Variants in CRY1 observed in about 807,000 individuals in gnomAD.
CRY1 encodes the protein cryptochrome circadian regulator 1.
A neutral mutation model predicts 76.0 loss-of-function variants in CRY1; 45 were observed. That is an observed-to-expected ratio of 0.59 (90% CI 0.47 to 0.76). The LOEUF (loss-of-function observed/expected upper bound fraction) is 0.76, where lower values mean the gene tolerates loss of function less well. Ranked by LOEUF, CRY1 falls within the 30% of genes least tolerant of loss-of-function variation. The pLI is 0.00. For synonymous variants in CRY1, 248 were observed against 244.0 expected (o/e 1.02, Z -0.15); for missense variants, 587 against 716.4 (o/e 0.82, Z 2.06).
chr12:106,999,742 C>A lies in CRY1; in HGVS notation c.946G>T (p.Val316Phe), dbSNP rs1185066980. ...FDKMEGNPIC[V>F]QIPWDKNPEA... Reference sequence around the variant, plus strand: ...GGATTTTTATCCCAAGGAATCTGAACACAGATAGGGTTTCCTTCCATTTTA... The same window carrying A: ...GGATTTTTATCCCAAGGAATCTGAAAACAGATAGGGTTTCCTTCCATTTTA... Residue 316 changes from valine to phenylalanine, a missense_variant, in exon 7 of 13, where the codon GTT (valine) becomes TTT (phenylalanine). Transcript: ENST00000008527. The A allele has an allele frequency of 6.2e-7, 1 of 1,614,090 alleles. No homozygotes were observed. Among genetic ancestry groups the A allele is most frequent in the Non-Finnish European group, 8.5e-7 (1 of 1,180,052 alleles).
chr12:107,054,522 C>A (rs1174316268), intron 1 of CRY1, among the ~76,000 whole-genome samples: 2 of 151,038 alleles, frequency 1.3e-5, no homozygotes, highest in Non-Finnish European at 3.0e-5. Flanking sequence ...AATCCAAATA[C>A]TTTGGTAATT....
chr12:107,000,781 C>T (rs1347309214), intron 5 of CRY1, among the ~76,000 whole-genome samples: 2 of 151,890 alleles, frequency 1.3e-5, no homozygotes, highest in African/African-American at 4.8e-5. Flanking sequence ...TCCCAAGTAG[C>T]TGGAATTAAA....
At chr12:107,006,755 G>A (rs916092104) in intron 2 of CRY1, among the ~76,000 whole-genome samples, 51 of 148,428 alleles carry the variant, frequency 3.4e-4, no homozygotes, top group Non-Finnish European at 7.0e-4. Context: ...AGGTTCAAGC[G>A]ATTCTCCTGC....
intron 1 of CRY1, among the ~76,000 whole-genome samples, chr12:107,025,697 T>C (rs933632110): frequency 6.6e-6 from 1 of 152,092 alleles, no homozygotes; most frequent in Admixed American, 6.5e-5. Context: ...CTACTAACAA[T>C]CTCTCTCCAT....
chr12:107,042,460 C>T (rs992755660), intron 1 of CRY1, among the ~76,000 whole-genome samples: 1 of 152,056 alleles, frequency 6.6e-6, no homozygotes, highest in Non-Finnish European at 1.5e-5. Context: ...CCACATATCC[C>T]CTGATATAAA....
chr12:107,018,913 A>G (rs1250817568), intron 2 of CRY1, among the ~76,000 whole-genome samples: 1 of 152,216 alleles, frequency 6.6e-6, no homozygotes, highest in Non-Finnish European at 1.5e-5. Flanking sequence ...TGAGTGAATG[A>G]CACAGAAGAA....
At chr12:106,997,264 A>G in intron 10 of CRY1, 30 bp downstream of exon 10, 1 of 1,547,216 alleles carries the variant, frequency 6.5e-7, no homozygotes, top group Non-Finnish European at 8.9e-7. Context: ...TCTTCATGTT[A>G]CTAAGTGCAG....
intron 1 of CRY1, among the ~76,000 whole-genome samples, chr12:107,035,774 G>A (rs980180550): frequency 1.3e-5 from 2 of 152,190 alleles, no homozygotes; most frequent in African/African-American, 4.8e-5. Flanking sequence ...AGCAGTCATA[G>A]AAGGATTTAT....
At chr12:107,018,115 G>C (rs1952516694) in intron 2 of CRY1, among the ~76,000 whole-genome samples, 1 of 152,168 alleles carries the variant, frequency 6.6e-6, no homozygotes, top group Admixed American at 6.5e-5. Context: ...TATCAAGCAT[G>C]TGTCATGAAT....
At chr12:107,091,964 T>C (rs1435181644) in intron 1 of CRY1, among the ~76,000 whole-genome samples, 1 of 152,220 alleles carries the variant, frequency 6.6e-6, no homozygotes, top group Non-Finnish European at 1.5e-5. Flanking sequence ...TCTATTTTTT[T>C]CCACAATACT....
At chr12:107,049,246 A>C (rs1952887748) in intron 1 of CRY1, among the ~76,000 whole-genome samples, 1 of 152,184 alleles carries the variant, frequency 6.6e-6, no homozygotes, top group South Asian at 2.1e-4. Context: ...AATTCTGCTC[A>C]GTCTCTCAGT....
intron 10 of CRY1, among the ~76,000 whole-genome samples, chr12:106,994,204 C>A (rs1167382624): frequency 1.3e-5 from 2 of 152,118 alleles, no homozygotes; most frequent in African/African-American, 2.4e-5. Context: ...TCAAATGGGG[C>A]AGAAACCTGA....
intron 1 of CRY1, among the ~76,000 whole-genome samples, chr12:107,048,890 T>C (rs189257366): frequency 4.9e-4 from 74 of 150,790 alleles, no homozygotes; most frequent in African/African-American, 1.8e-3. Context: ...AATTGTCTGG[T>C]TTTTTTCCTC....
At chr12:107,075,261 G>A (rs1402063102) in intron 1 of CRY1, among the ~76,000 whole-genome samples, 1 of 152,078 alleles carries the variant, frequency 6.6e-6, no homozygotes, top group Admixed American at 6.6e-5. Flanking sequence ...TCTCAAACAC[G>A]TTCATGCCAG....
intron 1 of CRY1, among the ~76,000 whole-genome samples, chr12:107,029,606 CAAA>C (rs35485801): frequency 2.0e-4 from 23 of 112,222 alleles, no homozygotes; most frequent in Non-Finnish European, 2.8e-4. Context: ...GGTCTTGCCT[CAAA>C]AAAAAAAAAA....
Position 107,060,445 on chromosome 12 carries a change from T to G in CRY1, c.158+32359A>C, listed in dbSNP as rs1426041098. 2.0e-5 allele frequency among the ~76,000 whole-genome samples: 3 copies of G among 152,218 alleles called. No individual in the cohort carries two copies. In the East Asian group the frequency reaches 5.8e-4, roughly 29 times the overall value. ...CCTATCAAATGCCAGCCCCTTCATC[T>G]TGGGACTTCCCAGCCTCCAAACCCA... On this transcript the variant is annotated intron_variant, in intron 1 of 12. Transcript: ENST00000008527.
chr12:107,081,350 A>T (rs959661381), intron 1 of CRY1, among the ~76,000 whole-genome samples: 1 of 152,074 alleles, frequency 6.6e-6, no homozygotes, highest in Non-Finnish European at 1.5e-5. Context: ...AAATTAAAAC[A>T]ATATTTAATG....
chr12:107,051,522 C>T (rs1358018040), intron 1 of CRY1, among the ~76,000 whole-genome samples: 1 of 152,014 alleles, frequency 6.6e-6, no homozygotes, highest in Non-Finnish European at 1.5e-5. Flanking sequence ...TCCTTGAAGC[C>T]TCCCAAATTT....
intron 1 of CRY1, among the ~76,000 whole-genome samples, chr12:107,070,959 C>T (rs1953184290): frequency 6.6e-6 from 1 of 151,770 alleles, no homozygotes; most frequent in Non-Finnish European, 1.5e-5. Flanking sequence ...CTGCCTCGGC[C>T]TCCCAAAGTG....
Sources: gnomAD v4.1 joint callset for allele counts (sites outside exome capture counted in the v4.1 genomes callset) on GRCh38, gnomAD v4.1.1 for gene constraint, MANE v1.5 for transcripts, NCBI Gene and HGNC (gene_info 2026-07-23, HGNC 2026-07-21) for gene names.